Variants in LCP2 observed in about 807,000 individuals in gnomAD.
LCP2 encodes the protein 76 kDa tyrosine phosphoprotein.
A neutral mutation model predicts 74.5 loss-of-function variants in LCP2; 29 were observed. The ratio of observed to expected loss-of-function variants is 0.39; its 90% CI spans 0.29 to 0.53. LCP2 has a LOEUF of 0.53. Among genes scored for constraint, LCP2 ranks in the 20% least tolerant of loss-of-function variants. LCP2 has a pLI of 0.72. For synonymous variants in LCP2, 228 were observed against 229.5 expected (o/e 0.99, Z 0.06); for missense variants, 604 against 634.6 (o/e 0.95, Z 0.52).
In LCP2 at chr5:170,293,387, G is replaced by T; in HGVS notation, c.79-15C>A. On this transcript the variant is annotated splice_polypyrimidine_tract_variant and intron_variant, in intron 1 of 20. Transcript: ENST00000046794. Reference sequence around the variant, plus strand: ...TTATAGTTGAGCTGCAAAGAGAAGGGGAAGGTGTTGTTAGTGACGGGCAGT... The same window carrying T: ...TTATAGTTGAGCTGCAAAGAGAAGGTGAAGGTGTTGTTAGTGACGGGCAGT... 6.3e-7 allele frequency: 1 copy of T among 1,580,738 alleles called. No homozygotes were observed. The highest frequency in any genetic ancestry group is 2.3e-5 in the East Asian group (1 of 43,438).
At chr5:170,264,460 ATTCT>A (rs1305596897) in intron 10 of LCP2, among the ~76,000 whole-genome samples, 2 of 152,232 alleles carry the variant, frequency 1.3e-5, no homozygotes, top group Non-Finnish European at 2.9e-5. Flanking sequence ...AACGTGATTT[ATTCT>A]TTAAGGACCA....
intron 4 of LCP2, 76 bp from the exon 5 acceptor site, chr5:170,275,427 G>A (rs916732383): frequency 1.8e-5 from 28 of 1,517,984 alleles, no homozygotes; most frequent in East Asian, 1.3e-4. Flanking sequence ...ACCTGGTCCA[G>A]CGAGAGGGAG....
intron 2 of LCP2, among the ~76,000 whole-genome samples, chr5:170,290,524 G>A (rs1392928221): frequency 6.6e-6 from 1 of 152,194 alleles, no homozygotes; most frequent in Non-Finnish European, 1.5e-5. Context: ...AAGGGAGCAT[G>A]CATTTACCAT....
rs578230903 is a variant in LCP2, at chr5:170,282,340, A to C, written c.188+5630T>G. Among the ~76,000 whole-genome samples the C allele has an allele frequency of 9.8e-5, 15 of 152,320 alleles. No homozygotes were observed. In the South Asian group the frequency reaches 3.1e-3, roughly 32 times the overall value. ...CTTATGTACAAGAGATGGAATGAAT[A>C]AAGTATTGAACGCCTGTAAGTATCC... is the stretch of plus-strand genomic sequence containing the variant. On this transcript the variant is annotated intron_variant, in intron 3 of 20. Coordinates refer to ENST00000046794, the MANE Select transcript of LCP2 (RefSeq NM_005565.5).
At chr5:170,275,652 C>T (rs1442651562) in intron 4 of LCP2, 143 bp downstream of exon 4, 10 of 747,214 alleles carry the variant, frequency 1.3e-5, no homozygotes, top group African/African-American at 3.5e-5. Flanking sequence ...CCCTTCCCCT[C>T]GTTGGACACC....
intron 18 of LCP2, 114 bp downstream of exon 18, chr5:170,252,997 TCAAATAAA>T: frequency 1.5e-6 from 1 of 653,160 alleles, no homozygotes; most frequent in Admixed American, 3.2e-5. Flanking sequence ...AACTTTTTTT[TCAAATAAA>T]TAAAATAAAA....
chr5:170,287,524 A>T (rs1561977544), intron 3 of LCP2, among the ~76,000 whole-genome samples: 1 of 152,218 alleles, frequency 6.6e-6, no homozygotes, highest in Non-Finnish European at 1.5e-5. Flanking sequence ...CCCCTGTCAG[A>T]TATTTCCAAG....
intron 1 of LCP2, 139 bp downstream of exon 1, chr5:170,297,395 C>G: frequency 1.5e-6 from 1 of 689,286 alleles, no homozygotes; most frequent in Non-Finnish European, 2.5e-6. Flanking sequence ...ATGGCGCTCA[C>G]TCAACCAGTA....
At chr5:170,275,921 G>T in intron 3 of LCP2, 61 bp from the exon 4 acceptor site, 1 of 1,406,610 alleles carries the variant, frequency 7.1e-7, no homozygotes, top group Non-Finnish European at 9.9e-7. Flanking sequence ...CCTTCCCCCT[G>T]ACCCTTGATA....
At chr5:170,288,739 G>C (rs1762228122) in intron 2 of LCP2, among the ~76,000 whole-genome samples, 1 of 152,188 alleles carries the variant, frequency 6.6e-6, no homozygotes, top group Non-Finnish European at 1.5e-5. Context: ...TGGGGGATGA[G>C]CTGGGGCTGG....
intron 6 of LCP2, among the ~76,000 whole-genome samples, chr5:170,271,172 CAG>C (rs1271936771): frequency 6.6e-6 from 1 of 152,128 alleles, no homozygotes; most frequent in Non-Finnish European, 1.5e-5. Flanking sequence ...TTCTGCACAA[CAG>C]AGAGAGAAGA....
At chr5:170,274,176 G>A (rs1761945565) in intron 6 of LCP2, 125 bp downstream of exon 6, 1 of 995,374 alleles carries the variant, frequency 1.0e-6, no homozygotes. Flanking sequence ...CCTTTTCTGG[G>A]CCCTGGGTGG....
At position 170,270,167 on chromosome 5, in the gene LCP2, C is replaced by T. The variant is rs1761871810; in HGVS notation, c.523+552G>A. On this transcript the variant is annotated intron_variant, in intron 7 of 20. Transcript: ENST00000046794. ...GCACTGAGAATGGGGCCTGGGCTCC[C>T]AGCAGATCAACAATGTTTGTTGAAT... Among the ~76,000 whole-genome samples, 3 of 152,136 alleles carry T rather than the reference C, an allele frequency of 2.0e-5. No individual in the cohort carries two copies. In the South Asian group the frequency reaches 6.2e-4, roughly 32 times the overall value.
chr5:170,279,740 G>A (rs779221240), intron 3 of LCP2, among the ~76,000 whole-genome samples: 10 of 152,032 alleles, frequency 6.6e-5, no homozygotes, highest in Non-Finnish European at 1.3e-4. Flanking sequence ...AGGAGGAGAA[G>A]GAAAGGCAGG....
At chr5:170,269,258 C>T (rs1456612347) in intron 7 of LCP2, among the ~76,000 whole-genome samples, 2 of 152,246 alleles carry the variant, frequency 1.3e-5, no homozygotes, top group African/African-American at 4.8e-5. Context: ...GGTTGACAGG[C>T]TGGCAATTTC....
At chr5:170,293,519 C>A in intron 1 of LCP2, 147 bp from the exon 2 acceptor site, 1 of 710,750 alleles carries the variant, frequency 1.4e-6, no homozygotes, top group South Asian at 1.7e-5. Flanking sequence ...ACAGAGGGCC[C>A]AGTCCCCACC....
At chr5:170,254,638 G>A (rs1761517290) in intron 17 of LCP2, among the ~76,000 whole-genome samples, 1 of 152,094 alleles carries the variant, frequency 6.6e-6, no homozygotes, top group African/African-American at 2.4e-5. Flanking sequence ...AATGCTTGTT[G>A]AATGAATGAA....
intron 3 of LCP2, among the ~76,000 whole-genome samples, chr5:170,277,088 A>G (rs1428252647): frequency 6.6e-6 from 1 of 151,260 alleles, no homozygotes; most frequent in Non-Finnish European, 1.5e-5. Context: ...AAAAAAAAAA[A>G]AAAAAAAAAG....
intron 3 of LCP2, among the ~76,000 whole-genome samples, chr5:170,283,254 G>A (rs2113203027): frequency 6.6e-6 from 1 of 152,278 alleles, no homozygotes; most frequent in East Asian, 1.9e-4. Context: ...GCTAAAGAAA[G>A]ATCCCACCCC....
Sources: gnomAD v4.1 joint callset for allele counts (sites outside exome capture counted in the v4.1 genomes callset) on GRCh38, gnomAD v4.1.1 for gene constraint, MANE v1.5 for transcripts, NCBI Gene and HGNC (gene_info 2026-07-23, HGNC 2026-07-21) for gene names.